The following SNX24 variants were observed in gnomAD, a reference collection of about 807,000 sequenced individuals.
The protein encoded by SNX24 is sorting nexin 24, also known as sorting nexin-24.
In SNX24, 22 loss-of-function variants were observed where a neutral mutation model predicts 28.7. That is an observed-to-expected ratio of 0.77 (90% CI 0.55 to 1.10). The LOEUF is 1.10. Among genes scored for constraint, SNX24 ranks in the 50% least tolerant of loss-of-function variants. SNX24 has a pLI of 0.00. For synonymous variants in SNX24, 69 were observed against 71.5 expected, an observed-to-expected ratio of 0.96 and a Z score of 0.18; for missense variants, 221 against 201.1, an observed-to-expected ratio of 1.10 and a Z score of -0.60.
At chr5:122,917,007 G>T in intron 1 of SNX24, among the ~76,000 whole-genome samples, 1 of 152,094 alleles carries the variant, frequency 6.6e-6, no homozygotes, top group Non-Finnish European at 1.5e-5. Flanking sequence ...GGTGGCTCAC[G>T]CCTGTAATCC....
At chr5:122,846,018 C>A (rs916183808) in intron 1 of SNX24, among the ~76,000 whole-genome samples, 1 of 152,222 alleles carries the variant, frequency 6.6e-6, no homozygotes, top group African/African-American at 2.4e-5. Context: ...TCCTTTCTGG[C>A]ACAGCTGCCC....
rs1420349522 is a variant in SNX24 at position 122,926,928 on chromosome 5, T to C, written c.61-9806T>C. On this transcript the variant is annotated intron_variant, in intron 1 of 6. Coordinates refer to ENST00000261369, the MANE Select transcript of SNX24 (RefSeq NM_014035.4). Reference sequence around the variant, plus strand: ...GGAGAGAGAAGTACCTTCTCTCCTGTAGAGATGTATGAATGTGGTCATTGT... The same window carrying C: ...GGAGAGAGAAGTACCTTCTCTCCTGCAGAGATGTATGAATGTGGTCATTGT... Among the ~76,000 whole-genome samples, 7 of 152,336 alleles carry C rather than the reference T, an allele frequency of 4.6e-5. No individual in the cohort carries two copies. The South Asian group carries it at 1.2e-3, about 27-fold the overall frequency.
chr5:122,929,000 T>C (rs1027307706), intron 1 of SNX24, among the ~76,000 whole-genome samples: 6 of 151,994 alleles, frequency 3.9e-5, no homozygotes, highest in Admixed American at 1.3e-4. Context: ...ATTTGTGTGA[T>C]TGTCCCACCC....
chr5:122,855,624 ATAAT>A (rs1163748322), intron 1 of SNX24, among the ~76,000 whole-genome samples: 2 of 152,218 alleles, frequency 1.3e-5, no homozygotes, highest in Non-Finnish European at 2.9e-5. Context: ...CTATTAAAAA[ATAAT>A]TGCAATCAAC....
At chr5:123,003,215 T>C (rs1052291014) in intron 6 of SNX24, among the ~76,000 whole-genome samples, 1 of 152,238 alleles carries the variant, frequency 6.6e-6, no homozygotes, top group East Asian at 1.9e-4. Flanking sequence ...GCAGCCCTGC[T>C]CCTCCCTAGG....
chr5:122,919,388 A>T (rs1758317855), intron 1 of SNX24, among the ~76,000 whole-genome samples: 1 of 152,208 alleles, frequency 6.6e-6, no homozygotes, highest in Admixed American at 6.5e-5. Context: ...GTACTAGCAA[A>T]GAAGTAGAAT....
intron 1 of SNX24, among the ~76,000 whole-genome samples, chr5:122,905,512 A>G (rs1276991536): frequency 2.6e-5 from 4 of 152,248 alleles, no homozygotes; most frequent in African/African-American, 7.2e-5. Context: ...GAGTGCTAAC[A>G]TGATGCTCAA....
chr5:122,951,674 C>A (rs1351489812), intron 3 of SNX24, among the ~76,000 whole-genome samples: 1 of 152,064 alleles, frequency 6.6e-6, no homozygotes, highest in East Asian at 1.9e-4. Context: ...AGTAGATGGG[C>A]AAGGAAAAGA....
intron 3 of SNX24, among the ~76,000 whole-genome samples, chr5:122,977,003 A>G (rs1561684597): frequency 6.6e-6 from 1 of 151,474 alleles, no homozygotes. Context: ...CCACATTACC[A>G]TTCTTATTAC....
intron 1 of SNX24, among the ~76,000 whole-genome samples, chr5:122,880,936 A>AT (rs1756452107): frequency 6.6e-6 from 1 of 152,158 alleles, no homozygotes; most frequent in Non-Finnish European, 1.5e-5. Context: ...GCCTCACACA[A>AT]TATCATTTGG....
At position 122,869,139 on chromosome 5, in the gene SNX24, C is replaced by T. The variant is rs560349863; in HGVS notation, c.60+23446C>T. Among the ~76,000 whole-genome samples the T allele has an allele frequency of 3.9e-5, 6 of 152,246 alleles. No individual in the cohort carries two copies. In the South Asian group the frequency reaches 6.2e-4, roughly 16 times the overall value. ...AAGCTCTGTTTTCCTTGTTTATTATCGGTGAACAATTAGATCTCATTGTCA... is the reference window on the plus strand; with the variant it reads ...AAGCTCTGTTTTCCTTGTTTATTATTGGTGAACAATTAGATCTCATTGTCA... On this transcript the variant is annotated intron_variant, in intron 1 of 6. Transcript: ENST00000261369.
chr5:122,903,654 G>T (rs1757532385), intron 1 of SNX24, among the ~76,000 whole-genome samples: 1 of 152,098 alleles, frequency 6.6e-6, no homozygotes, highest in Non-Finnish European at 1.5e-5. Context: ...GAAGTTTTTG[G>T]CCATGTGCTT....
At chr5:122,911,313 GTTGT>G (rs1248988401) in intron 1 of SNX24, among the ~76,000 whole-genome samples, 2 of 152,126 alleles carry the variant, frequency 1.3e-5, no homozygotes, top group African/African-American at 4.8e-5. Flanking sequence ...TTTTGATGGG[GTTGT>G]TTGTTTTTTT....
intron 1 of SNX24, 101 bp downstream of exon 1, chr5:122,845,794 C>T: frequency 1.2e-5 from 7 of 603,354 alleles, no homozygotes; most frequent in Non-Finnish European, 1.7e-5. Flanking sequence ...GCAGGGGGTC[C>T]CCTCGTTTTC....
chr5:122,879,721 A>G (rs1353250226), intron 1 of SNX24, among the ~76,000 whole-genome samples: 1 of 152,206 alleles, frequency 6.6e-6, no homozygotes, highest in Non-Finnish European at 1.5e-5. Context: ...GGGTCTCACT[A>G]TGTTGTCCAG....
intron 3 of SNX24, among the ~76,000 whole-genome samples, chr5:122,982,127 C>T (rs1761420098): frequency 6.6e-6 from 1 of 152,256 alleles, no homozygotes; most frequent in African/African-American, 2.4e-5. Flanking sequence ...TTAATTTTGT[C>T]CCTGATTCCC....
At chr5:122,896,341 G>C (rs1391958559) in intron 1 of SNX24, among the ~76,000 whole-genome samples, 3 of 152,138 alleles carry the variant, frequency 2.0e-5, no homozygotes, top group Non-Finnish European at 4.4e-5. Flanking sequence ...ATCAGATTTG[G>C]CATGTGAGTT....
At position 123,007,840 on chromosome 5, in the gene SNX24, A is replaced by T; in HGVS notation, c.*91A>T. The T allele has an allele frequency of 6.5e-7, 1 of 1,547,134 alleles. No individual in the cohort carries two copies. Among genetic ancestry groups the T allele is most frequent in the Non-Finnish European group, 8.7e-7 (1 of 1,153,190 alleles). On this transcript the variant is annotated 3_prime_UTR_variant, in exon 7 of 7. Coordinates refer to ENST00000261369, the MANE Select transcript of SNX24 (RefSeq NM_014035.4). Reference sequence around the variant, plus strand: ...ACCAATTTAACCTAAACGCTATGATATATAACAGCTCTAGCTAGTGGTAAA... The same window carrying T: ...ACCAATTTAACCTAAACGCTATGATTTATAACAGCTCTAGCTAGTGGTAAA...
chr5:122,983,214 G>T, intron 3 of SNX24: 2 of 149,324 alleles, frequency 1.3e-5, no homozygotes, highest in Non-Finnish European at 1.5e-5. Flanking sequence ...TTTTGCAAGT[G>T]CAACAATTTA....
Sources: gnomAD v4.1 joint callset for allele counts (sites outside exome capture counted in the v4.1 genomes callset) on GRCh38, gnomAD v4.1.1 for gene constraint, MANE v1.5 for transcripts, NCBI Gene and HGNC (gene_info 2026-07-23, HGNC 2026-07-21) for gene names.